Variants in PLCB4 observed in about 807,000 individuals in gnomAD.
PLCB4 encodes 1-phosphatidylinositol 4,5-bisphosphate phosphodiesterase beta-4.
PLCB4 carries 77 observed loss-of-function variants against 178.8 expected under a neutral mutation model. The observed-to-expected ratio is 0.43, with a 90% CI of 0.36 to 0.52. PLCB4 has a LOEUF of 0.52. Ranked by LOEUF, PLCB4 falls within the 20% of genes least tolerant of loss-of-function variation. The pLI is 0.00. For missense variants in PLCB4, 1,024 were observed against 1,453.4 expected (o/e 0.70, Z 4.80); for synonymous variants, 496 against 490.8 (o/e 1.01, Z -0.14).
chr20:9,312,779 C>T (rs183399479), intron 4 of PLCB4, among the ~76,000 whole-genome samples: 144 of 152,156 alleles, frequency 9.5e-4, no homozygotes, highest in African/African-American at 3.3e-3. Flanking sequence ...GAGAATTTTA[C>T]GTAGGAAAGG....
chr20:9,214,983 G>A (rs1018620409), intron 2 of PLCB4, among the ~76,000 whole-genome samples: 14 of 152,142 alleles, frequency 9.2e-5, no homozygotes, highest in African/African-American at 3.1e-4. Flanking sequence ...CTTTGATTAC[G>A]AAATGACTTG....
chr20:9,365,812 G>A (rs2035729227), intron 9 of PLCB4, among the ~76,000 whole-genome samples: 1 of 152,122 alleles, frequency 6.6e-6, no homozygotes, highest in Non-Finnish European at 1.5e-5. Context: ...TAGGATTTAT[G>A]TTTCTTTTGC....
At chr20:9,156,113 T>C (rs1192103690) in intron 2 of PLCB4, among the ~76,000 whole-genome samples, 1 of 152,198 alleles carries the variant, frequency 6.6e-6, no homozygotes, top group Non-Finnish European at 1.5e-5. Flanking sequence ...GAAGACCTTT[T>C]TTCTGTACAC....
At chr20:9,286,770 A>G (rs1202394299) in intron 3 of PLCB4, among the ~76,000 whole-genome samples, 2 of 152,048 alleles carry the variant, frequency 1.3e-5, no homozygotes, top group East Asian at 3.9e-4. Flanking sequence ...GAACTAATGA[A>G]CGAAAGAGTC....
At chr20:9,385,771 C>T (rs796853578) in intron 14 of PLCB4, among the ~76,000 whole-genome samples, 45 of 149,504 alleles carry the variant, frequency 3.0e-4, no homozygotes, top group African/African-American at 5.7e-4. Flanking sequence ...GCTTCCCAGA[C>T]GGGGCAGCCG....
intron 1 of PLCB4, among the ~76,000 whole-genome samples, chr20:9,076,428 C>T (rs767604206): frequency 6.6e-6 from 1 of 152,150 alleles, no homozygotes; most frequent in Non-Finnish European, 1.5e-5. Flanking sequence ...GATCACATAA[C>T]TGCACTTCAG....
At chr20:9,365,750 G>A (rs796777773) in intron 9 of PLCB4, among the ~76,000 whole-genome samples, 25 of 152,288 alleles carry the variant, frequency 1.6e-4, no homozygotes, top group African/African-American at 5.5e-4. Context: ...ACAATTTAAA[G>A]AACATCAGAA....
intron 3 of PLCB4, among the ~76,000 whole-genome samples, chr20:9,287,795 G>C (rs2094547823): frequency 6.6e-6 from 1 of 152,064 alleles, no homozygotes; most frequent in African/African-American, 2.4e-5. Context: ...TTTCTTGAAA[G>C]AGAATATGCA....
At chr20:9,453,079 T>G (rs1324564817) in intron 32 of PLCB4, among the ~76,000 whole-genome samples, 2 of 152,154 alleles carry the variant, frequency 1.3e-5, no homozygotes, top group Non-Finnish European at 2.9e-5. Flanking sequence ...GACTTCGAGA[T>G]GATTGGCACT....
rs1206055578 is a variant in PLCB4 at position 9,362,898 on chromosome 20, A to T, written c.372A>T (p.Gln124His). ...AATATTTTTTCTTTCTCTTTCAGCA[A>T]TGGGTAGAAGGCCTGAGATCAATCA... Reference protein sequence around the residue: ...MVAENPEVTKQWVEGLRSIIH... With the variant: ...MVAENPEVTKHWVEGLRSIIH... Residue 124 changes from glutamine to histidine, a missense_variant and splice_region_variant, in exon 8 of 40, where the codon CAA becomes CAT. Transcript: ENST00000378473. 1 of 1,609,220 alleles carries T rather than the reference A, an allele frequency of 6.2e-7. No individual in the cohort carries two copies. The highest frequency in any genetic ancestry group is 8.5e-7 in the Non-Finnish European group (1 of 1,175,680).
intron 2 of PLCB4, among the ~76,000 whole-genome samples, chr20:9,106,943 G>A (rs964286003): frequency 1.3e-5 from 2 of 152,136 alleles, no homozygotes; most frequent in Non-Finnish European, 2.9e-5. Context: ...TAGTCAGACT[G>A]TGGAATACTA....
intron 3 of PLCB4, among the ~76,000 whole-genome samples, chr20:9,252,750 G>GA (rs1267342691): frequency 6.6e-6 from 1 of 152,196 alleles, no homozygotes; most frequent in East Asian, 1.9e-4. Context: ...GGGCTGAATA[G>GA]AACAGAAAAG....
rs969525907 is a variant in PLCB4, at chr20:9,258,714, CA to C, written c.-16+41284del. 5.6e-3 allele frequency among the ~76,000 whole-genome samples: 353 copies of C among 62,776 alleles called. 3 individuals carry two copies. Among genetic ancestry groups the C allele is most frequent in the African/African-American group, 0.012 (217 of 18,516 alleles). The allele number at this position is 62,776 out of a possible 152,430, so 41.2% of individuals were successfully genotyped here. ...TGGGTGACAGAGCTAGACTTCCTCT[CA>C]AAAAAAAAAAAAAAAAAAAAAGATA... On this transcript the variant is annotated intron_variant, in intron 3 of 39. Transcript: ENST00000378473.
chr20:9,389,563 A>G (rs991668554), intron 15 of PLCB4, among the ~76,000 whole-genome samples: 1 of 152,186 alleles, frequency 6.6e-6, no homozygotes, highest in African/African-American at 2.4e-5. Flanking sequence ...AGAAAGGTGG[A>G]CTCTGAACTC....
At chr20:9,424,412 T>G (rs11087845) in intron 28 of PLCB4, among the ~76,000 whole-genome samples, 13,415 of 152,256 alleles carry the variant, frequency 0.088, 924 homozygotes, top group East Asian at 0.24. Context: ...CATCAATCCA[T>G]ATGCTTTAAG....
intron 39 of PLCB4, among the ~76,000 whole-genome samples, chr20:9,477,714 T>G (rs1328178446): frequency 6.6e-6 from 1 of 152,180 alleles, no homozygotes. Context: ...ACAGAAAGAT[T>G]TAATTCTTTG....
chr20:9,477,133 G>A (rs2044601171), intron 39 of PLCB4, among the ~76,000 whole-genome samples: 1 of 152,256 alleles, frequency 6.6e-6, no homozygotes, highest in Non-Finnish European at 1.5e-5. Context: ...TAAAGCGCTC[G>A]CTGAAAGTTG....
rs1322670429 is a variant in PLCB4 at position 9,300,085 on chromosome 20, G to A, written c.-15-7715G>A. The stretch of plus-strand genomic sequence containing the variant: ...GTAAAGCCATTTATTTAAAAGCCCT[G>A]GATGATCTGATGACAGCTTGTTGAT... On this transcript the variant is annotated intron_variant, in intron 3 of 39. Coordinates refer to ENST00000378473, the MANE Select transcript of PLCB4 (RefSeq NM_001377142.1). 1.3e-5 allele frequency among the ~76,000 whole-genome samples: 2 copies of A among 152,022 alleles called. 1 individual carries two copies. The highest frequency in any genetic ancestry group is 3.9e-4 in the East Asian group (2 of 5,194).
intron 4 of PLCB4, among the ~76,000 whole-genome samples, chr20:9,328,721 A>G (rs2031141286): frequency 1.3e-5 from 2 of 152,172 alleles, no homozygotes. Context: ...CAATGTCCTC[A>G]CTTGTAAAAT....
Sources: allele counts gnomAD v4.1 joint callset (sites outside exome capture counted in the v4.1 genomes callset), GRCh38; gene constraint gnomAD v4.1.1; transcripts MANE v1.5; gene names NCBI Gene and HGNC (gene_info 2026-07-23, HGNC 2026-07-21).